CSMD1: variants seen among roughly 807,000 people sequenced by gnomAD.
The protein encoded by CSMD1 is CUB and sushi domain-containing protein 1.
Under a neutral mutation model 417.5 loss-of-function variants are expected in CSMD1, and 213 were observed. That is an observed-to-expected ratio of 0.51 (90% CI 0.46 to 0.57). The LOEUF is 0.57. Among genes scored for constraint, CSMD1 ranks in the 20% least tolerant of loss-of-function variants. The pLI is 0.00. For missense variants in CSMD1, 6,923 were observed against 4,529.7 expected, an observed-to-expected ratio of 1.53 and a Z score of -15.17; for synonymous variants, 2,862 against 1,736.8, an observed-to-expected ratio of 1.65 and a Z score of -16.11.
At chr8:4,592,470 T>A (rs776498888) in intron 2 of CSMD1, among the ~76,000 whole-genome samples, 5 of 152,014 alleles carry the variant, frequency 3.3e-5, no homozygotes, top group Non-Finnish European at 5.9e-5. Flanking sequence ...CACTGCAACC[T>A]CCACCTGCCA....
At chr8:3,487,684 C>G (rs900737478) in intron 11 of CSMD1, among the ~76,000 whole-genome samples, 2 of 152,106 alleles carry the variant, frequency 1.3e-5, no homozygotes, top group Non-Finnish European at 2.9e-5. Context: ...AAGGAGGTGC[C>G]TACAAACACA....
rs60077088 is a variant in CSMD1 at position 4,027,434 on chromosome 8, G to A, written c.610+4471C>T. 6.6e-5 allele frequency among the ~76,000 whole-genome samples: 10 copies of A among 152,042 alleles called. 1 individual carries two copies. The highest frequency in any genetic ancestry group is 1.3e-4 in the Non-Finnish European group (9 of 68,000). The stretch of plus-strand genomic sequence containing the variant: ...ATTGTGGGAGGTGATTAGATCATGG[G>A]GGTGGGTCCTCCATGCTGTTCTTGT... On this transcript the variant is annotated intron_variant, in intron 4 of 69. Coordinates refer to ENST00000635120, the MANE Select transcript of CSMD1 (RefSeq NM_033225.6).
rs1356280280 is a variant in CSMD1 at position 3,409,435 on chromosome 8, G to C, written c.1732C>G (p.Pro578Ala). The C allele has an allele frequency of 1.2e-6, 2 of 1,609,948 alleles. No individual in the cohort carries two copies. The highest frequency in any genetic ancestry group is 8.5e-7 in the Non-Finnish European group (1 of 1,178,234). ...QQNNQWSGNKPSCVFSCFFNF... is the reference protein window; with the variant it reads ...QQNNQWSGNKASCVFSCFFNF... ...GCATAATACTCACATACACAGCTGG[G>C]CTTGTTGCCAGACCACTGATTGTTC... Residue 578 changes from proline to alanine, a missense_variant, in exon 13 of 70, where the codon CCC becomes GCC. Coordinates refer to ENST00000635120, the MANE Select transcript of CSMD1 (RefSeq NM_033225.6).
intron 56 of CSMD1, among the ~76,000 whole-genome samples, chr8:2,973,684 A>G (rs1243263790): frequency 6.6e-6 from 1 of 152,124 alleles, no homozygotes; most frequent in Non-Finnish European, 1.5e-5. Flanking sequence ...AAAAAAGTCA[A>G]AGGAGAGGTT....
chr8:3,562,501 T>C (rs900200669), intron 10 of CSMD1, among the ~76,000 whole-genome samples: 1 of 150,384 alleles, frequency 6.6e-6, no homozygotes, highest in African/African-American at 2.4e-5. Flanking sequence ...CACAGATGAG[T>C]GCCACAGCAA....
intron 1 of CSMD1, among the ~76,000 whole-genome samples, chr8:4,717,877 A>C (rs1454591764): frequency 1.3e-5 from 2 of 152,218 alleles, no homozygotes; most frequent in Non-Finnish European, 2.9e-5. Flanking sequence ...CTTTTTATTA[A>C]ATTATCTAAA....
intron 3 of CSMD1, among the ~76,000 whole-genome samples, chr8:4,203,553 T>A (rs1240295873): frequency 1.3e-5 from 2 of 152,096 alleles, no homozygotes; most frequent in African/African-American, 2.4e-5. Context: ...AACAGCTGGG[T>A]GTGAATTTGG....
intron 3 of CSMD1, among the ~76,000 whole-genome samples, chr8:4,168,528 C>G (rs998923569): frequency 6.6e-6 from 1 of 151,896 alleles, no homozygotes; most frequent in Non-Finnish European, 1.5e-5. Flanking sequence ...AAATAAGTTA[C>G]AGACACAGAA....
intron 1 of CSMD1, among the ~76,000 whole-genome samples, chr8:4,821,669 ACT>A (rs955361871): frequency 1.3e-5 from 2 of 152,062 alleles, no homozygotes; most frequent in Non-Finnish European, 2.9e-5. Flanking sequence ...GGAAATGATG[ACT>A]CTGATTCCTT....
At chr8:3,347,093 A>G (rs1383067965) in intron 22 of CSMD1, among the ~76,000 whole-genome samples, 1 of 152,212 alleles carries the variant, frequency 6.6e-6, no homozygotes, top group Admixed American at 6.5e-5. Flanking sequence ...AAATCACAGA[A>G]CATCTCATAA....
chr8:4,876,408 C>A (rs1164014590), intron 1 of CSMD1, among the ~76,000 whole-genome samples: 1 of 152,006 alleles, frequency 6.6e-6, no homozygotes, highest in African/African-American at 2.4e-5. Context: ...TAAAGGAGTA[C>A]AAGTGGCCTG....
intron 3 of CSMD1, among the ~76,000 whole-genome samples, chr8:4,328,812 T>G (rs1013572657): frequency 2.6e-5 from 4 of 152,188 alleles, no homozygotes; most frequent in African/African-American, 7.2e-5. Context: ...CTTCCAAAAA[T>G]AACACTGTGG....
rs60536879 is a variant in CSMD1 at position 3,659,379 on chromosome 8, T to G, written c.1010-42582A>C. Among the ~76,000 whole-genome samples, 610 of 152,286 alleles carry G rather than the reference T, an allele frequency of 4.0e-3. 3 individuals carry two copies. The highest frequency in any genetic ancestry group is 0.014 in the African/African-American group (581 of 41,560). On this transcript the variant is annotated intron_variant, in intron 7 of 69. Transcript: ENST00000635120. ...CTAGTTTACTACCCACTGATGAAAT[T>G]TTTCACTTAGACACAGGTAACGGGT...
intron 3 of CSMD1, among the ~76,000 whole-genome samples, chr8:4,230,478 C>G (rs1160891649): frequency 6.6e-6 from 1 of 152,132 alleles, no homozygotes; most frequent in Admixed American, 6.5e-5. Context: ...CTATTAAACT[C>G]TGCTCAAAGT....
chr8:3,155,131 A>C (rs1467265122), intron 39 of CSMD1, among the ~76,000 whole-genome samples: 1 of 152,062 alleles, frequency 6.6e-6, no homozygotes, highest in Non-Finnish European at 1.5e-5. Flanking sequence ...TTTGAATAAA[A>C]CATCCCATTA....
At chr8:3,255,590 G>GCTGCAGAC (rs1453336842) in intron 26 of CSMD1, among the ~76,000 whole-genome samples, 1 of 152,196 alleles carries the variant, frequency 6.6e-6, no homozygotes, top group East Asian at 1.9e-4. Context: ...TCCCAGCCTT[G>GCTGCAGAC]CTGCAGCCCT....
At chr8:4,783,037 C>G (rs1438248962) in intron 1 of CSMD1, among the ~76,000 whole-genome samples, 1 of 151,506 alleles carries the variant, frequency 6.6e-6, no homozygotes, top group Non-Finnish European at 1.5e-5. Flanking sequence ...GTAGCATTAA[C>G]TCTATAAACA....
At chr8:3,667,559 G>A (rs537883748) in intron 7 of CSMD1, among the ~76,000 whole-genome samples, 1 of 152,248 alleles carries the variant, frequency 6.6e-6, no homozygotes, top group South Asian at 2.1e-4. Context: ...GGACTAGGCT[G>A]AGAAAGTCCT....
At chr8:4,135,034 T>C (rs867703733) in intron 3 of CSMD1, among the ~76,000 whole-genome samples, 12 of 152,174 alleles carry the variant, frequency 7.9e-5, no homozygotes, top group Middle Eastern at 3.2e-3. Context: ...TGTGAGAGGA[T>C]AGACCCCTTT....
Sources: gnomAD v4.1 joint callset for allele counts (sites outside exome capture counted in the v4.1 genomes callset) on GRCh38, gnomAD v4.1.1 for gene constraint, MANE v1.5 for transcripts, NCBI Gene and HGNC (gene_info 2026-07-23, HGNC 2026-07-21) for gene names.